Variants in IST1 observed in about 807,000 individuals in gnomAD.
IST1 encodes IST1 homolog.
IST1 carries 23 observed loss-of-function variants against 37.0 expected under a neutral mutation model. The observed-to-expected ratio is 0.62, with a 90% CI of 0.45 to 0.88. The LOEUF is 0.88. Among genes scored for constraint, IST1 ranks in the 40% least tolerant of loss-of-function variants. IST1 has a pLI of 0.00. For missense variants in IST1, 488 were observed against 445.4 expected, an observed-to-expected ratio of 1.10 and a Z score of -0.86; for synonymous variants, 180 against 161.7, an observed-to-expected ratio of 1.11 and a Z score of -0.86.
At chr16:71,919,895 T>G (rs1278697910) in intron 4 of IST1, among the ~76,000 whole-genome samples, 1 of 152,180 alleles carries the variant, frequency 6.6e-6, no homozygotes, top group Non-Finnish European at 1.5e-5. Context: ...CACAGAGAAA[T>G]AGCACTCAAA....
At chr16:71,920,649 AT>A in intron 4 of IST1, 89 bp from the exon 5 acceptor site, 4 of 845,530 alleles carry the variant, frequency 4.7e-6, no homozygotes, top group Non-Finnish European at 7.9e-6. Context: ...AAATCTTGTA[AT>A]AGACGCGTGT....
chr16:71,924,300 C>A, intron 8 of IST1: 1 of 406,378 alleles, frequency 2.5e-6, no homozygotes, highest in Non-Finnish European at 4.9e-6. Flanking sequence ...TTTTTTTTCT[C>A]TGCTTGGCAG....
chr16:71,924,179 C>T (rs544282494), intron 8 of IST1: 13 of 455,864 alleles, frequency 2.9e-5, no homozygotes, highest in African/African-American at 1.2e-4. Context: ...GGAATGAGGT[C>T]GAAAATCTTC....
rs779063868 is a variant in IST1, at chr16:71,922,609, A to G, written c.688A>G (p.Met230Val). The change falls in exon 7 of 10, where the codon ATG becomes GTG. Residue 230 changes from methionine to valine, a missense_variant. Around this residue, in one of 2 missense-constraint regions of IST1, gnomAD observed 455 missense variants for 386.2 expected, o/e 1.18. Coordinates refer to ENST00000378799, the MANE Select transcript of IST1 (RefSeq NM_001270975.2). ...TGGTGGACCTGATGGAACGGTGCCA[A>G]TGCCCATGCCCATGCCCATGCCTAT... The part of the protein sequence containing the change: ...PVGGPDGTVP[M>V]PMPMPMPMPS... 1.1e-4 allele frequency: 75 copies of G among 696,000 alleles called. No individual in the cohort carries two copies. Among genetic ancestry groups the G allele is most frequent in the East Asian group, 8.6e-4 (18 of 20,810 alleles). The allele number at this position is 696,000 out of a possible 1,614,324, so 43.1% of individuals were successfully genotyped here.
At position 71,929,870 on chromosome 16, in the gene IST1, G is replaced by A. The variant is rs1304114384; in HGVS notation, c.*2057G>A. ...AACTATTTATAGGACAATGGCTATA[G>A]AATATTATGTAGTCTTATAAATTGG... On this transcript the variant is annotated 3_prime_UTR_variant, in exon 10 of 10. Transcript: ENST00000378799. 2.0e-6 allele frequency: 2 copies of A among 977,612 alleles called. No homozygotes were observed. Among genetic ancestry groups the A allele is most frequent in the Non-Finnish European group, 2.9e-6 (2 of 679,156 alleles). 60.6% of individuals were successfully genotyped at this position (977,612 alleles called of 1,614,324 possible).
At chr16:71,908,250 CT>C (rs2037271054) in intron 1 of IST1, among the ~76,000 whole-genome samples, 1 of 136,656 alleles carries the variant, frequency 7.3e-6, no homozygotes, top group African/African-American at 2.7e-5. Flanking sequence ...CCTGTCTTTA[CT>C]TTTTAATCTT....
intron 1 of IST1, among the ~76,000 whole-genome samples, chr16:71,901,361 C>T (rs966132522): frequency 2.0e-5 from 3 of 152,042 alleles, no homozygotes; most frequent in Non-Finnish European, 4.4e-5. Context: ...CTACAGGCAC[C>T]CATCACCACA....
In IST1 at chr16:71,928,115, T is replaced by A. The variant is rs1362405554; in HGVS notation, c.*302T>A. The stretch of plus-strand genomic sequence containing the variant: ...GTCCCATGGTCCCTCCACAGGAGTG[T>A]GAGAGGATGGGGGAAGCACTGTGGG... On this transcript the variant is annotated 3_prime_UTR_variant, in exon 10 of 10. Coordinates refer to ENST00000378799, the MANE Select transcript of IST1 (RefSeq NM_001270975.2). 6 of 377,236 alleles carry A rather than the reference T, an allele frequency of 1.6e-5. No homozygotes were observed. The highest frequency in any genetic ancestry group is 3.0e-5 in the Non-Finnish European group (6 of 199,370). The allele number at this position is 377,236 out of a possible 1,614,324, so 23.4% of individuals were successfully genotyped here.
At chr16:71,927,455 C>T (rs573976163) in intron 9 of IST1, among the ~76,000 whole-genome samples, 159 bp from the exon 10 acceptor site, 41 of 150,460 alleles carry the variant, frequency 2.7e-4, no homozygotes, top group African/African-American at 9.3e-4. Context: ...GCCAACTGCA[C>T]TCCAGCCTGG....
intron 5 of IST1, 179 bp downstream of exon 5, chr16:71,921,001 C>T (rs561263080): frequency 1.5e-6 from 1 of 649,788 alleles, no homozygotes. Flanking sequence ...CTGCCCAATT[C>T]CTCTGGTTAC....
chr16:71,909,861 C>T (rs2037313001), intron 1 of IST1, among the ~76,000 whole-genome samples: 1 of 152,158 alleles, frequency 6.6e-6, no homozygotes, highest in Non-Finnish European at 1.5e-5. Flanking sequence ...TTGTAGGACC[C>T]ATGATAGAGC....
chr16:71,916,952 G>C (rs140641413), intron 3 of IST1, 95 bp from the exon 4 acceptor site: 3 of 730,508 alleles, frequency 4.1e-6, no homozygotes, highest in African/African-American at 3.6e-5. Context: ...GAGATTCACA[G>C]AATGGCTTTG....
At chr16:71,915,886 A>G (rs756500987) in intron 2 of IST1, among the ~76,000 whole-genome samples, 158 bp downstream of exon 2, 5 of 152,096 alleles carry the variant, frequency 3.3e-5, no homozygotes, top group Non-Finnish European at 5.9e-5. Flanking sequence ...GATGGAGTGC[A>G]GTGGTGTGAT....
At chr16:71,923,058 T>G (rs781704322) in intron 7 of IST1, 18 of 473,716 alleles carry the variant, frequency 3.8e-5, no homozygotes, top group Non-Finnish European at 6.7e-5. Context: ...AGTTTTCCCT[T>G]GTAAACACTG....
At chr16:71,917,207 TCTG>T (rs2037484524) in intron 4 of IST1, 73 bp downstream of exon 4, 1 of 868,528 alleles carries the variant, frequency 1.2e-6, no homozygotes, top group Admixed American at 2.3e-5. Flanking sequence ...ATAAGTTACT[TCTG>T]CTGATTTGAC....
chr16:71,927,883 T>C lies in IST1; in HGVS notation c.*70T>C, dbSNP rs919337643. The C allele has an allele frequency of 9.1e-7, 1 of 1,095,536 alleles. No individual in the cohort carries two copies. The highest frequency in any genetic ancestry group is 1.5e-5 in the African/African-American group (1 of 64,780). 67.9% of individuals were successfully genotyped at this position (1,095,536 alleles called of 1,614,324 possible). ...AGCAATTTCTCCTTGTAACAAAGAA[T>C]CTCCATGAAATTCTGTTTCATCTGT... On this transcript the variant is annotated 3_prime_UTR_variant, in exon 10 of 10. Coordinates refer to ENST00000378799, the MANE Select transcript of IST1 (RefSeq NM_001270975.2).
chr16:71,902,883 T>C (rs1248345626), intron 1 of IST1, among the ~76,000 whole-genome samples: 1 of 152,172 alleles, frequency 6.6e-6, no homozygotes, highest in African/African-American at 2.4e-5. Flanking sequence ...TTCTATTTTT[T>C]CTTCTATTTC....
intron 1 of IST1, chr16:71,903,060 C>G (rs907820246): frequency 6.6e-6 from 1 of 152,178 alleles, no homozygotes; most frequent in African/African-American, 2.4e-5. Flanking sequence ...ATGATCATAG[C>G]TCACTGCCTC....
At chr16:71,897,748 C>G (rs865998158) in intron 1 of IST1, among the ~76,000 whole-genome samples, 7 of 151,710 alleles carry the variant, frequency 4.6e-5, no homozygotes, top group Admixed American at 6.6e-5. Flanking sequence ...GAGTTTGAGA[C>G]CAGCCTGGAC....
Sources: allele counts gnomAD v4.1 joint callset (sites outside exome capture counted in the v4.1 genomes callset), GRCh38; gene constraint gnomAD v4.1.1; regional missense constraint gnomAD v4.1.1; transcripts MANE v1.5; gene names NCBI Gene and HGNC (gene_info 2026-07-23, HGNC 2026-07-21).